Variants in UBE2R2 observed in about 807,000 individuals in gnomAD.
The protein encoded by UBE2R2 is ubiquitin-conjugating enzyme E2 R2.
Under a neutral mutation model 27.8 loss-of-function variants are expected in UBE2R2, and 1 was observed. The ratio of observed to expected loss-of-function variants is 0.04; its 90% CI spans 0.01 to 0.17. The LOEUF (loss-of-function observed/expected upper bound fraction) is 0.17. Among genes scored for constraint, UBE2R2 ranks in the 10% least tolerant of loss-of-function variants. The pLI is 1.00. For synonymous variants in UBE2R2, 106 were observed against 113.3 expected (o/e 0.94, Z 0.41); for missense variants, 100 against 291.0 (o/e 0.34, Z 4.78).
chr9:33,914,376 G>A (rs1822582908), intron 4 of UBE2R2, among the ~76,000 whole-genome samples: 1 of 152,180 alleles, frequency 6.6e-6, no homozygotes, highest in Admixed American at 6.5e-5. Flanking sequence ...AAATGCTTGA[G>A]TGTAAATTCT....
chr9:33,890,424 G>T (rs928477089), intron 2 of UBE2R2, among the ~76,000 whole-genome samples: 1 of 151,890 alleles, frequency 6.6e-6, no homozygotes, highest in Non-Finnish European at 1.5e-5. Flanking sequence ...AACATCAGCT[G>T]GGTGTGGTGG....
At chr9:33,816,329 C>T (rs1307858757), upstream of UBE2R2, among the ~76,000 whole-genome samples, 3 of 152,144 alleles carry the variant, frequency 2.0e-5, no homozygotes, top group Non-Finnish European at 4.4e-5. Context: ...TCTCGAAAGT[C>T]CCTCAGTTCC....
intron 1 of UBE2R2, among the ~76,000 whole-genome samples, chr9:33,819,882 C>A (rs1466097476): frequency 1.3e-5 from 2 of 152,206 alleles, no homozygotes; most frequent in African/African-American, 2.4e-5. Context: ...TGTGATCAAC[C>A]CGCCTCTGCC....
At chr9:33,826,093 A>T (rs1386815723) in intron 1 of UBE2R2, among the ~76,000 whole-genome samples, 1 of 151,706 alleles carries the variant, frequency 6.6e-6, no homozygotes, top group Non-Finnish European at 1.5e-5. Context: ...GCGGTGAGCC[A>T]AAATCTTGTG....
At chr9:33,863,252 G>A (rs1053958787) in intron 1 of UBE2R2, among the ~76,000 whole-genome samples, 3 of 151,856 alleles carry the variant, frequency 2.0e-5, no homozygotes, top group African/African-American at 7.3e-5. Flanking sequence ...AGCCGGGCGT[G>A]GTGGCTCACA....
intron 1 of UBE2R2, among the ~76,000 whole-genome samples, chr9:33,876,148 G>A (rs1033913597): frequency 3.3e-5 from 5 of 152,134 alleles, no homozygotes; most frequent in Non-Finnish European, 5.9e-5. Flanking sequence ...GATCACCTGA[G>A]GTCAGGAGTT....
chr9:33,878,613 G>A (rs544736822), intron 1 of UBE2R2, among the ~76,000 whole-genome samples: 55 of 152,166 alleles, frequency 3.6e-4, no homozygotes, highest in African/African-American at 1.0e-3. Flanking sequence ...GTGAGACCCC[G>A]TCTCAAATTT....
chr9:33,886,755 A>G, intron 1 of UBE2R2, 126 bp from the exon 2 acceptor site: 1 of 693,660 alleles, frequency 1.4e-6, no homozygotes. Context: ...TGTCTGAGCT[A>G]CTTTAATCTC....
At chr9:33,899,689 G>A (rs1213627924) in intron 2 of UBE2R2, among the ~76,000 whole-genome samples, 3 of 151,710 alleles carry the variant, frequency 2.0e-5, no homozygotes, top group African/African-American at 7.3e-5. Context: ...TGTATTTTTG[G>A]TAGAGATGGG....
rs1393581360 is a variant in UBE2R2, at chr9:33,918,330, T to C, written c.*1093T>C. ...GTTTTCATCGAGCTGCTTATACTGATAGTGAAAAACTTGGATGTGTGTGAG... is the reference window on the plus strand; with the variant it reads ...GTTTTCATCGAGCTGCTTATACTGACAGTGAAAAACTTGGATGTGTGTGAG... On this transcript the variant is annotated 3_prime_UTR_variant, in exon 5 of 5. Transcript: ENST00000263228. 2.6e-5 allele frequency: 4 copies of C among 152,100 alleles called. No homozygotes were observed. The highest frequency in any genetic ancestry group is 9.7e-5 in the African/African-American group (4 of 41,412). 9.4% of individuals were successfully genotyped at this position (152,100 alleles called of 1,614,324 possible).
At chr9:33,817,988 C>A in intron 1 of UBE2R2, 54 bp downstream of exon 1, 1 of 1,575,134 alleles carries the variant, frequency 6.3e-7, no homozygotes. Context: ...CTCCGGCTCC[C>A]CGCCGCTTTC....
Position 33,919,029 on chromosome 9 carries a change from A to G in UBE2R2, c.*1792A>G, listed in dbSNP as rs1397378083. On this transcript the variant is annotated 3_prime_UTR_variant, in exon 5 of 5. Transcript: ENST00000263228. ...ATGAAATGGGACTGTTTAACAAGCA[A>G]GGCTCTTAGGGGACACTGTTGAGCC... The G allele has an allele frequency of 6.6e-6, 1 of 151,920 alleles. No individual in the cohort carries two copies. Among genetic ancestry groups the G allele is most frequent in the Non-Finnish European group, 1.5e-5 (1 of 68,086 alleles). 9.4% of individuals were successfully genotyped at this position (151,920 alleles called of 1,614,324 possible). A position where few individuals can be genotyped will look rare whatever the true frequency, so the allele number is the denominator to read the frequency against.
Position 33,820,306 on chromosome 9 carries a change from C to T in UBE2R2, c.177+2372C>T, listed in dbSNP as rs574339736. Among the ~76,000 whole-genome samples, 5 of 152,278 alleles carry T rather than the reference C, an allele frequency of 3.3e-5. No individual in the cohort carries two copies. The South Asian group carries it at 8.3e-4, about 25-fold the overall frequency. On this transcript the variant is annotated intron_variant, in intron 1 of 4. Coordinates refer to ENST00000263228, the MANE Select transcript of UBE2R2 (RefSeq NM_017811.4). ...CTTGTTTAAAAGAATGATTTAATCT[C>T]GTGCTTTGTGATGTTAGATTTCTTA...
rs909348288 is a variant in UBE2R2, at chr9:33,817,906, A to G, written c.149A>G (p.Asn50Ser). The change falls in exon 1 of 5, where the codon AAC becomes AGC. Residue 50 changes from asparagine (N) to serine (S), a missense_variant. This residue lies in a region of UBE2R2 where 43 missense variants were observed against 129.2 expected (regional missense o/e 0.33). Coordinates refer to ENST00000263228, the MANE Select transcript of UBE2R2 (RefSeq NM_017811.4). ...GAGGTGGCCATCTTCGGACCCCCCA[A>G]CACCCTCTACGAAGGCGGCTACTTC... Reference protein sequence around the residue: ...NWEVAIFGPPNTLYEGGYFKA... With the variant: ...NWEVAIFGPPSTLYEGGYFKA... The G allele has an allele frequency of 1.9e-6, 3 of 1,610,832 alleles. No individual in the cohort carries two copies. Among genetic ancestry groups the G allele is most frequent in the South Asian group, 1.1e-5 (1 of 90,914 alleles).
At position 33,876,941 on chromosome 9, in the gene UBE2R2, G is replaced by A. The variant is rs1218199505; in HGVS notation, c.178-9940G>A. 2.0e-5 allele frequency among the ~76,000 whole-genome samples: 3 copies of A among 151,600 alleles called. No individual in the cohort carries two copies. The East Asian group carries it at 5.9e-4, about 30-fold the overall frequency. ...AAACAAATAAAATAAATAAGAGTTC[G>A]AGACCAGCCTGACCAACATGGTGAA... On this transcript the variant is annotated intron_variant, in intron 1 of 4. Transcript: ENST00000263228.
chr9:33,884,608 A>T (rs533301487), intron 1 of UBE2R2, among the ~76,000 whole-genome samples: 36 of 152,148 alleles, frequency 2.4e-4, no homozygotes, highest in African/African-American at 8.7e-4. Flanking sequence ...CTCATTATTG[A>T]TATTCAGTAT....
chr9:33,875,002 CT>C (rs112682221), intron 1 of UBE2R2, among the ~76,000 whole-genome samples: 4,230 of 144,342 alleles, frequency 0.029, 159 homozygotes, highest in African/African-American at 0.091. Context: ...TTTGTTTTAC[CT>C]TTTTTTTTTT....
intron 1 of UBE2R2, chr9:33,868,397 CAGCACATTATAT>C (rs1821410339): frequency 6.6e-6 from 1 of 152,184 alleles, no homozygotes; most frequent in Non-Finnish European, 1.5e-5. Flanking sequence ...TTAAAACCTG[CAGCACATTATAT>C]AGCCTTACTA....
intron 1 of UBE2R2, among the ~76,000 whole-genome samples, chr9:33,860,500 A>G (rs1250462555): frequency 6.6e-6 from 1 of 152,150 alleles, no homozygotes; most frequent in African/African-American, 2.4e-5. Context: ...GAATTTTCAC[A>G]GATTCATGGT....
Sources: allele counts gnomAD v4.1 joint callset (sites outside exome capture counted in the v4.1 genomes callset), GRCh38; gene constraint gnomAD v4.1.1; regional missense constraint gnomAD v4.1.1; transcripts MANE v1.5; gene names NCBI Gene and HGNC (gene_info 2026-07-23, HGNC 2026-07-21).